Variants in NFIB observed in about 807,000 individuals in gnomAD.
NFIB encodes the protein nuclear factor 1 B-type.
A neutral mutation model predicts 61.5 loss-of-function variants in NFIB; 11 were observed. The ratio of observed to expected loss-of-function variants is 0.18; its 90% CI spans 0.11 to 0.30. NFIB has a LOEUF of 0.30. Among genes scored for constraint, NFIB ranks in the 10% least tolerant of loss-of-function variants. NFIB has a pLI of 1.00. For synonymous variants in NFIB, 260 were observed against 216.5 expected, an observed-to-expected ratio of 1.20 and a Z score of -1.76; for missense variants, 471 against 608.9, an observed-to-expected ratio of 0.77 and a Z score of 2.38.
chr9:14,223,918 C>T (rs1220698726), intron 2 of NFIB, among the ~76,000 whole-genome samples: 1 of 152,206 alleles, frequency 6.6e-6, no homozygotes, highest in African/African-American at 2.4e-5. Flanking sequence ...CCGCCCACTA[C>T]ACTCTAGTTG....
the NFIB span, among the ~76,000 whole-genome samples, chr9:14,433,856 A>G: frequency 3.3e-5 from 5 of 152,270 alleles, no homozygotes; most frequent in African/African-American, 1.2e-4. Flanking sequence ...GATTTTCATG[A>G]TTGCATGTCT....
exon 1 of NFIB, chr9:14,398,537 C>A: frequency 1.3e-6 from 2 of 1,534,384 alleles, no homozygotes; most frequent in Non-Finnish European, 1.7e-6. Context: ...AAATCCAAAG[C>A]ACAGAGTTGA....
rs1358697628 is a variant in NFIB at position 14,247,782 on chromosome 9, C to T, written c.562+59207G>A. ...GACTCAGTAATTAGTGGGTACTCTG[C>T]ATGCTTTGATGTCACCTCATTAACA... On this transcript the variant is annotated intron_variant, in intron 2 of 10. Coordinates refer to ENST00000380953, the MANE Select transcript of NFIB (RefSeq NM_001190737.2). 4.6e-5 allele frequency among the ~76,000 whole-genome samples: 7 copies of T among 152,300 alleles called. No individual in the cohort carries two copies. In the East Asian group the frequency reaches 1.4e-3, roughly 29 times the overall value.
intron 1 of NFIB, chr9:14,398,378 C>T (rs1283537743): frequency 3.4e-6 from 2 of 586,670 alleles, no homozygotes; most frequent in African/African-American, 1.9e-5. Context: ...TCAGTAGTCG[C>T]TCTACATTGG....
the NFIB span, among the ~76,000 whole-genome samples, chr9:14,509,984 C>T: frequency 6.6e-6 from 1 of 152,210 alleles, no homozygotes; most frequent in Admixed American, 6.5e-5. Context: ...GCAACCTTCG[C>T]TTCCCAGGTT....
intron 10 of NFIB, among the ~76,000 whole-genome samples, chr9:14,104,742 G>C (rs1186000498): frequency 1.3e-5 from 2 of 150,036 alleles, no homozygotes; most frequent in African/African-American, 4.9e-5. Flanking sequence ...CACCATGCCT[G>C]GCTAATTAAA....
intron 2 of NFIB, chr9:14,300,051 G>GT (rs2059666828): frequency 2.5e-6 from 1 of 395,776 alleles, no homozygotes; most frequent in South Asian, 1.4e-4. Context: ...AACGCACTTA[G>GT]TTTTCACAAG....
At chr9:14,391,521 G>C (rs4615683) in intron 1 of NFIB, among the ~76,000 whole-genome samples, 9,349 of 152,208 alleles carry the variant, frequency 0.061, 490 homozygotes, top group East Asian at 0.33. Context: ...GATCTCAGAA[G>C]TTGGGTGAGC....
intron 6 of NFIB, among the ~76,000 whole-genome samples, chr9:14,142,540 C>T (rs1221246869): frequency 2.0e-5 from 3 of 151,966 alleles, no homozygotes; most frequent in Non-Finnish European, 2.9e-5. Context: ...AAAACTATGA[C>T]CTCTTATTTT....
At chr9:14,213,416 G>A (rs930542208) in intron 2 of NFIB, among the ~76,000 whole-genome samples, 2 of 152,320 alleles carry the variant, frequency 1.3e-5, no homozygotes, top group Admixed American at 6.5e-5. Context: ...TGGTTCTTAA[G>A]CTTTAACATG....
intron 2 of NFIB, among the ~76,000 whole-genome samples, chr9:14,229,975 G>C (rs1226108825): frequency 6.6e-6 from 1 of 152,118 alleles, no homozygotes; most frequent in Non-Finnish European, 1.5e-5. Flanking sequence ...TAATTATTTT[G>C]TATTTTTAGT....
At chr9:14,342,988 G>T (rs1380413077) in intron 1 of NFIB, among the ~76,000 whole-genome samples, 1 of 151,952 alleles carries the variant, frequency 6.6e-6, no homozygotes, top group Non-Finnish European at 1.5e-5. Flanking sequence ...AGGAGGGAAA[G>T]AAAAGGGGGT....
chr9:14,291,263 T>G (rs1180910613), intron 2 of NFIB, among the ~76,000 whole-genome samples: 1 of 152,030 alleles, frequency 6.6e-6, no homozygotes, highest in Non-Finnish European at 1.5e-5. Flanking sequence ...GGTGGGTGGA[T>G]CACTCGAGGT....
intron 2 of NFIB, among the ~76,000 whole-genome samples, chr9:14,301,132 C>G (rs1419671999): frequency 3.3e-5 from 5 of 152,154 alleles, no homozygotes; most frequent in Admixed American, 1.3e-4. Context: ...AGAACTAAAG[C>G]TGTAGCAATA....
chr9:14,322,110 G>C (rs2060675884), intron 1 of NFIB: 4 of 1,217,946 alleles, frequency 3.3e-6, no homozygotes, highest in Admixed American at 4.3e-5. Context: ...AAAGCAATCC[G>C]GGAGTAGTCT....
intron 10 of NFIB, among the ~76,000 whole-genome samples, chr9:14,092,656 C>T (rs547998152): frequency 9.9e-5 from 15 of 152,144 alleles, no homozygotes; most frequent in African/African-American, 3.6e-4. Flanking sequence ...GGATTATAAC[C>T]TAGCTAATGT....
Position 14,307,071 on chromosome 9 carries a change from TG to T in NFIB, c.479del (p.Pro160GlnfsTer54). On this transcript the variant is annotated frameshift_variant, in exon 2 of 11. Transcript: ENST00000380953. LOFTEE classifies it high-confidence loss of function. The surrounding 1 kb of genome is among the most constrained non-coding windows in gnomAD (Gnocchi z 5.3). ...TATGATGTGGCTGGACACAAAGTGC[TG>T]GGTTTGTGCAATGTGGGGATTTCAT... ...RLMKSPHCTN[P>X]ALCVQPHHIT... is the part of the protein sequence containing the mutation. 1 of 1,614,186 alleles carries T rather than the reference TG, an allele frequency of 6.2e-7. No individual in the cohort carries two copies. The highest frequency in any genetic ancestry group is 8.5e-7 in the Non-Finnish European group (1 of 1,180,030).
chr9:14,459,844 C>A, the NFIB span, among the ~76,000 whole-genome samples: 8 of 150,788 alleles, frequency 5.3e-5, no homozygotes, highest in Non-Finnish European at 1.2e-4. Flanking sequence ...GTTAGAATGG[C>A]GATCATTAAA....
In NFIB at chr9:14,090,083, T is replaced by C. The variant is rs774029296; in HGVS notation, c.1468-1757A>G. The stretch of plus-strand genomic sequence containing the variant: ...TTGTTTCAAATCACACCCAGCTATA[T>C]ATTTTCAAAAGCTGTCACCCAAGAT... On this transcript the variant is annotated intron_variant, in intron 10 of 10. Coordinates refer to ENST00000380953, the MANE Select transcript of NFIB (RefSeq NM_001190737.2). 5.5e-4 allele frequency among the ~76,000 whole-genome samples: 83 copies of C among 152,134 alleles called. 1 individual carries two copies. Among genetic ancestry groups the C allele is most frequent in the Non-Finnish European group, 9.4e-4 (64 of 67,990 alleles).
Sources: gnomAD v4.1 joint callset for allele counts (sites outside exome capture counted in the v4.1 genomes callset) on GRCh38, gnomAD v4.1.1 for gene constraint, Gnocchi (gnomAD v3.1) non-coding constraint, MANE v1.5 for transcripts, NCBI Gene and HGNC (gene_info 2026-07-23, HGNC 2026-07-21) for gene names.